The following FBRSL1 variants were observed in gnomAD, a reference collection of about 807,000 sequenced individuals.
FBRSL1 encodes the protein fibrosin-1-like protein.
A neutral mutation model predicts 89.6 loss-of-function variants in FBRSL1; 51 were observed. That is an observed-to-expected ratio of 0.57 (90% CI 0.45 to 0.72). The LOEUF is 0.72. Ranked by LOEUF, FBRSL1 falls within the 30% of genes least tolerant of loss-of-function variation. The pLI, the probability that FBRSL1 is intolerant of heterozygous loss-of-function variation, is 0.00. For missense variants in FBRSL1, 1,618 were observed against 1,451.8 expected (o/e 1.11, Z -1.86); for synonymous variants, 779 against 681.1 (o/e 1.14, Z -2.24).
intron 1 of FBRSL1, among the ~76,000 whole-genome samples, chr12:132,496,709 C>T (rs933921236): frequency 3.3e-5 from 5 of 152,262 alleles, no homozygotes; most frequent in Admixed American, 6.5e-5. Context: ...GTGTCCCTCC[C>T]TCCTTCCCTG....
At chr12:132,544,537 CAA>C (rs1345137905) in intron 4 of FBRSL1, among the ~76,000 whole-genome samples, 6 of 152,090 alleles carry the variant, frequency 3.9e-5, no homozygotes, top group Non-Finnish European at 7.4e-5. Context: ...TGTGGGCAGA[CAA>C]TGATGGTGAT....
chr12:132,581,886 C>A, intron 17 of FBRSL1, 62 bp downstream of exon 17: 1 of 1,385,116 alleles, frequency 7.2e-7, no homozygotes, highest in South Asian at 1.4e-5. Context: ...ATGCCTGTGT[C>A]CTCTGCAGGA....
At chr12:132,543,408 C>T (rs763796736) in intron 4 of FBRSL1, among the ~76,000 whole-genome samples, 60 of 152,312 alleles carry the variant, frequency 3.9e-4, no homozygotes, top group Middle Eastern at 3.4e-3. Flanking sequence ...CCAGGGTGCA[C>T]GTTAACTCTG....
rs927076232 is a variant in FBRSL1, at chr12:132,583,098, G to A, written c.2329G>A (p.Glu777Lys). The A allele has an allele frequency of 4.1e-6, 6 of 1,453,624 alleles. No homozygotes were observed. The East Asian group carries it at 1.3e-4, about 30-fold the overall frequency. 90.0% of individuals were successfully genotyped at this position (1,453,624 alleles called of 1,614,324 possible). ...CCGGTCCGGGGCCCCCGCGGAGCGC[G>A]AGGCCGAACCTCGGGTCAAGGAGAG... ...LGRSGAPAER[E>K]AEPRVKESRS... Residue 777 changes from glutamate to lysine, a missense_variant, in exon 19 of 19, where the codon GAG (glutamate) becomes AAG (lysine). By Grantham distance (56) the Glu-to-Lys change is moderately conservative. Coordinates refer to ENST00000680143, the MANE Select transcript of FBRSL1 (RefSeq NM_001367871.1).
At chr12:132,520,467 C>T (rs929733797) in intron 2 of FBRSL1, among the ~76,000 whole-genome samples, 4 of 152,208 alleles carry the variant, frequency 2.6e-5, no homozygotes, top group African/African-American at 9.6e-5. Context: ...TCTGGAGCAG[C>T]ACCAGTGACT....
At chr12:132,534,429 G>T (rs2036546751) in intron 4 of FBRSL1, among the ~76,000 whole-genome samples, 1 of 152,250 alleles carries the variant, frequency 6.6e-6, no homozygotes, top group South Asian at 2.1e-4. Flanking sequence ...GGAAGCCGAG[G>T]CCCAGGCATC....
rs1192337391 is a variant in FBRSL1, at chr12:132,490,777, C to T, written c.207C>T (p.Arg69=). The T allele has an allele frequency of 4.4e-5, 53 of 1,209,738 alleles. No homozygotes were observed. The highest frequency in any genetic ancestry group is 5.1e-5 in the Non-Finnish European group (50 of 972,990). 74.9% of individuals were successfully genotyped at this position (1,209,738 alleles called of 1,614,324 possible). A position where few individuals can be genotyped will look rare whatever the true frequency, so the allele number is the denominator to read the frequency against. ...PAPRTARPPR[R]RRRESSSQEE... ...CCCGCACCGCGCGTCCCCCGCGCCG[C>T]CGCCGCCGCGAGTCCAGCTCGCAGG... is the stretch of plus-strand genomic sequence containing the variant. Residue 69 remains arginine (R), a synonymous_variant, in exon 1 of 19, where the codon CGC becomes CGT. Coordinates refer to ENST00000680143, the MANE Select transcript of FBRSL1 (RefSeq NM_001367871.1).
chr12:132,518,080 A>G (rs1265328480), intron 2 of FBRSL1, among the ~76,000 whole-genome samples: 1 of 152,122 alleles, frequency 6.6e-6, no homozygotes, highest in East Asian at 1.9e-4. Flanking sequence ...TCCGGCACAC[A>G]GGACTGCACA....
intron 15 of FBRSL1, 140 bp downstream of exon 15, chr12:132,577,071 C>G: frequency 8.3e-7 from 1 of 1,211,948 alleles, no homozygotes. Context: ...ACCACTTATT[C>G]AGGTCAAAGC....
At chr12:132,554,117 G>A (rs1315422526) in intron 5 of FBRSL1, 1 of 152,278 alleles carries the variant, frequency 6.6e-6, no homozygotes, top group African/African-American at 2.4e-5. Flanking sequence ...GGTCGCCACG[G>A]GGCACCTCGG....
At chr12:132,568,232 C>T (rs1349394135) in intron 6 of FBRSL1, among the ~76,000 whole-genome samples, 7 of 152,170 alleles carry the variant, frequency 4.6e-5, no homozygotes, top group South Asian at 4.1e-4. Context: ...CACGGGGTCT[C>T]GGCTCCTGCC....
At chr12:132,524,058 G>A (rs950795112) in intron 2 of FBRSL1, among the ~76,000 whole-genome samples, 4 of 152,216 alleles carry the variant, frequency 2.6e-5, no homozygotes, top group South Asian at 4.1e-4. Flanking sequence ...TGCACAGGCC[G>A]TGCCTCCACC....
chr12:132,535,106 G>A (rs1204303179), intron 4 of FBRSL1, among the ~76,000 whole-genome samples: 1 of 152,264 alleles, frequency 6.6e-6, no homozygotes, highest in Non-Finnish European at 1.5e-5. Flanking sequence ...ATGAGAACAG[G>A]CCGGGCTGCT....
At chr12:132,519,509 G>A (rs1231519220) in intron 2 of FBRSL1, among the ~76,000 whole-genome samples, 5 of 152,234 alleles carry the variant, frequency 3.3e-5, no homozygotes, top group African/African-American at 1.2e-4. Flanking sequence ...CCTTCCCATA[G>A]GCTATGCAGT....
At chr12:132,544,479 A>G (rs2137261078) in intron 4 of FBRSL1, among the ~76,000 whole-genome samples, 1 of 152,346 alleles carries the variant, frequency 6.6e-6, no homozygotes, top group Non-Finnish European at 1.5e-5. Context: ...CTCCCAGACC[A>G]GGACTTCACC....
chr12:132,521,405 T>TGGGGGCCTGACCTCTGCCCCATCTCCCA (rs2035343966), intron 2 of FBRSL1, among the ~76,000 whole-genome samples: 1 of 152,134 alleles, frequency 6.6e-6, no homozygotes, highest in Non-Finnish European at 1.5e-5. Flanking sequence ...CTAGGGGGTG[T>TGGGGGCCTGACCTCTGCCCCATCTCCCA]GGGGGCCTGA....
intron 3 of FBRSL1, 48 bp from the exon 4 acceptor site, chr12:132,527,905 T>C (rs2035937947): frequency 6.5e-7 from 1 of 1,545,020 alleles, no homozygotes; most frequent in African/African-American, 1.4e-5. Context: ...CCCTGGGAGT[T>C]TGTTCCGAGT....
chr12:132,567,512 C>G lies in FBRSL1; in HGVS notation c.677C>G (p.Pro226Arg), dbSNP rs764181230. Reference protein sequence around the residue: ...ASVGSEKLFAPGTDKGPALEK... With the variant: ...ASVGSEKLFARGTDKGPALEK... ...GTGGGCTCTGAGAAGCTCTTTGCGC[C>G]GGGAACCGATAAAGGTAAGTGGGTC... Residue 226 changes from proline to arginine, a missense_variant, in exon 6 of 19, where the codon CCG becomes CGG. Coordinates refer to ENST00000680143, the MANE Select transcript of FBRSL1 (RefSeq NM_001367871.1). 4 of 1,551,076 alleles carry G rather than the reference C, an allele frequency of 2.6e-6. No homozygotes were observed. Among genetic ancestry groups the G allele is most frequent in the Non-Finnish European group, 3.5e-6 (4 of 1,146,902 alleles).
Position 132,507,711 on chromosome 12 carries a change from G to A in FBRSL1, c.292-442G>A, listed in dbSNP as rs1005213196. The stretch of plus-strand genomic sequence containing the variant: ...GGTGTCACCTGGGGGAGCACTTCCT[G>A]TGGGCTGTCACCTGGGGGAGCACTT... On this transcript the variant is annotated intron_variant, in intron 1 of 18. Transcript: ENST00000680143. 2.6e-5 allele frequency among the ~76,000 whole-genome samples: 4 copies of A among 152,194 alleles called. No homozygotes were observed. The East Asian group carries it at 7.7e-4, about 29-fold the overall frequency.
Sources: gnomAD v4.1 joint callset for allele counts (sites outside exome capture counted in the v4.1 genomes callset) on GRCh38, gnomAD v4.1.1 for gene constraint, MANE v1.5 for transcripts, NCBI Gene and HGNC (gene_info 2026-07-23, HGNC 2026-07-21) for gene names.